The following STXBP5L variants were observed in gnomAD, a reference collection of about 807,000 sequenced individuals.
The protein encoded by STXBP5L is syntaxin-binding protein 5-like.
In STXBP5L, 65 loss-of-function variants were observed where a neutral mutation model predicts 144.5. That is an observed-to-expected ratio of 0.45 (90% CI 0.37 to 0.55). The LOEUF is 0.55. STXBP5L is among the 20% of genes least tolerant of loss of function. The pLI is 0.00. For synonymous variants in STXBP5L, 505 were observed against 469.6 expected (o/e 1.08, Z -0.97); for missense variants, 1,298 against 1,405.5 (o/e 0.92, Z 1.22).
intron 22 of STXBP5L, among the ~76,000 whole-genome samples, chr3:121,386,766 G>A (rs2046436518): frequency 6.6e-6 from 1 of 152,102 alleles, no homozygotes; most frequent in Non-Finnish European, 1.5e-5. Flanking sequence ...AGTATTACAT[G>A]GTATATTTGT....
intron 20 of STXBP5L, among the ~76,000 whole-genome samples, chr3:121,332,954 G>C (rs564482125): frequency 6.6e-6 from 1 of 152,094 alleles, no homozygotes; most frequent in African/African-American, 2.4e-5. Context: ...ACTATCATCA[G>C]CCAAGAATCT....
At chr3:121,048,823 C>T (rs1215652215) in intron 5 of STXBP5L, among the ~76,000 whole-genome samples, 1 of 152,010 alleles carries the variant, frequency 6.6e-6, no homozygotes, top group African/African-American at 2.4e-5. Flanking sequence ...GTAGCTGGGA[C>T]TACAGGTGCT....
At chr3:121,338,957 A>C (rs1261239136) in intron 20 of STXBP5L, among the ~76,000 whole-genome samples, 1 of 152,130 alleles carries the variant, frequency 6.6e-6, no homozygotes, top group Non-Finnish European at 1.5e-5. Flanking sequence ...TCACAGCCAA[A>C]TTCTACCAGA....
At chr3:121,048,688 C>CTTT (rs11444329) in intron 5 of STXBP5L, among the ~76,000 whole-genome samples, 4 of 141,036 alleles carry the variant, frequency 2.8e-5, no homozygotes, top group African/African-American at 7.9e-5. Context: ...CAGTTAGAGT[C>CTTT]TTTTTTTTTT....
In STXBP5L at chr3:120,951,839, T is replaced by TAA. The variant is rs1468295450; in HGVS notation, c.190-3099_190-3098dup. ...GAAAGGAGTATAAATCATGCTGCTA[T>TAA]AAAGACACATGCACACGTATGTTTA... is the stretch of plus-strand genomic sequence containing the variant. On this transcript the variant is annotated intron_variant, in intron 2 of 26. Coordinates refer to ENST00000471454, the MANE Select transcript of STXBP5L (RefSeq NM_001308330.2). 2.0e-5 allele frequency among the ~76,000 whole-genome samples: 3 copies of TAA among 152,092 alleles called. No individual in the cohort carries two copies. In the East Asian group the frequency reaches 5.8e-4, roughly 29 times the overall value.
intron 19 of STXBP5L, among the ~76,000 whole-genome samples, chr3:121,313,364 C>A (rs1228477208): frequency 6.0e-5 from 8 of 132,904 alleles, no homozygotes; most frequent in Admixed American, 2.9e-4. Flanking sequence ...ACCTCCCTCC[C>A]GGACTGGGCG....
chr3:121,320,847 C>G (rs564470679), intron 20 of STXBP5L, among the ~76,000 whole-genome samples: 2 of 151,890 alleles, frequency 1.3e-5, no homozygotes, highest in Non-Finnish European at 2.9e-5. Flanking sequence ...ACTACAGGAG[C>G]GTGTCACACA....
intron 7 of STXBP5L, 147 bp downstream of exon 7, chr3:121,121,851 A>C: frequency 2.0e-6 from 1 of 503,702 alleles, no homozygotes; most frequent in Non-Finnish European, 3.5e-6. Context: ...TCAACGAATG[A>C]GTAAATGAAT....
intron 20 of STXBP5L, among the ~76,000 whole-genome samples, chr3:121,358,950 A>AT (rs759945277): frequency 1.3e-5 from 2 of 151,838 alleles, no homozygotes; most frequent in Non-Finnish European, 2.9e-5. Flanking sequence ...CAATATACAG[A>AT]TTTTTTTTCT....
rs2045174162 is a variant in STXBP5L, at chr3:121,349,474, C to T, written c.2177-29242C>T. Among the ~76,000 whole-genome samples, 3 of 152,148 alleles carry T rather than the reference C, an allele frequency of 2.0e-5. No individual in the cohort carries two copies. In the South Asian group the frequency reaches 6.2e-4, roughly 32 times the overall value. ...AGAGTTCTGTAGATGTCTATTAGGT[C>T]TGCTTGGTGTAGAGCTGAGTTGAAT... On this transcript the variant is annotated intron_variant, in intron 20 of 26. Transcript: ENST00000471454.
chr3:120,957,026 C>A (rs546009012), intron 3 of STXBP5L, among the ~76,000 whole-genome samples: 1 of 151,878 alleles, frequency 6.6e-6, no homozygotes, highest in Non-Finnish European at 1.5e-5. Context: ...TCTAATCTCA[C>A]TATTTGGCAT....
intron 22 of STXBP5L, among the ~76,000 whole-genome samples, chr3:121,392,393 C>T (rs1431800483): frequency 1.3e-5 from 2 of 152,140 alleles, no homozygotes; most frequent in Non-Finnish European, 2.9e-5. Flanking sequence ...CTTCAGCTCA[C>T]TCTCCGTGGG....
chr3:121,128,130 A>G (rs1412725717), intron 7 of STXBP5L, among the ~76,000 whole-genome samples: 1 of 152,134 alleles, frequency 6.6e-6, no homozygotes, highest in East Asian at 1.9e-4. Context: ...AAATGTGTTT[A>G]GAGTGGTTTT....
At chr3:121,033,513 T>A (rs564144636) in intron 3 of STXBP5L, among the ~76,000 whole-genome samples, 267 of 143,910 alleles carry the variant, frequency 1.9e-3, no homozygotes, top group Non-Finnish European at 3.1e-3. Flanking sequence ...ATGGCACATG[T>A]ATACATATGT....
chr3:121,037,489 C>T (rs565939538), intron 3 of STXBP5L, among the ~76,000 whole-genome samples: 1 of 152,124 alleles, frequency 6.6e-6, no homozygotes, highest in East Asian at 1.9e-4. Flanking sequence ...ATCCTGGCCT[C>T]AAATGATCCT....
intron 15 of STXBP5L, among the ~76,000 whole-genome samples, chr3:121,253,810 CTTTTTT>C (rs34678687): frequency 5.3e-5 from 5 of 95,080 alleles, no homozygotes; most frequent in African/African-American, 2.3e-4. Flanking sequence ...TTTTTTTTTT[CTTTTTT>C]TTTTTTTTTT....
chr3:121,136,240 A>T (rs895693428), intron 7 of STXBP5L, among the ~76,000 whole-genome samples: 1 of 152,198 alleles, frequency 6.6e-6, no homozygotes, highest in African/African-American at 2.4e-5. Context: ...AAGTATAAGC[A>T]TAGAGGTTTG....
At chr3:121,352,966 T>G (rs1454779053) in intron 20 of STXBP5L, among the ~76,000 whole-genome samples, 3 of 152,142 alleles carry the variant, frequency 2.0e-5, no homozygotes, top group Non-Finnish European at 4.4e-5. Flanking sequence ...TTCGTTCTGT[T>G]TATGTGATGG....
intron 3 of STXBP5L, among the ~76,000 whole-genome samples, chr3:120,982,122 A>T (rs948578398): frequency 6.6e-6 from 1 of 152,188 alleles, no homozygotes; most frequent in Non-Finnish European, 1.5e-5. Context: ...TGTGTTGTGC[A>T]GTTCAACCCC....
Sources: gnomAD v4.1 joint callset for allele counts (sites outside exome capture counted in the v4.1 genomes callset) on GRCh38, gnomAD v4.1.1 for gene constraint, MANE v1.5 for transcripts, NCBI Gene and HGNC (gene_info 2026-07-23, HGNC 2026-07-21) for gene names.